The following TERB1 variants were observed in gnomAD, a reference collection of about 807,000 sequenced individuals.
TERB1 encodes telomere repeat binding bouquet formation protein 1.
TERB1 carries 63 observed loss-of-function variants against 92.3 expected under a neutral mutation model. The ratio of observed to expected loss-of-function variants is 0.68; its 90% CI spans 0.56 to 0.84. The LOEUF is 0.84. Ranked by LOEUF, TERB1 falls within the 40% of genes least tolerant of loss-of-function variation. TERB1 has a pLI of 0.00. For synonymous variants in TERB1, 252 were observed against 283.9 expected (o/e 0.89, Z 1.13); for missense variants, 709 against 843.7 (o/e 0.84, Z 1.98).
At chr16:66,757,072 A>T (rs762590585) in intron 18 of TERB1, among the ~76,000 whole-genome samples, 11 of 152,118 alleles carry the variant, frequency 7.2e-5, no homozygotes, top group Non-Finnish European at 1.2e-4. Context: ...TGAGTATCCT[A>T]AAAAAAGGTT....
chr16:66,787,257 C>T (rs560338225), intron 6 of TERB1, among the ~76,000 whole-genome samples: 38 of 151,612 alleles, frequency 2.5e-4, no homozygotes, highest in African/African-American at 9.2e-4. Flanking sequence ...TGCCACCACA[C>T]CCAGTTAATT....
intron 14 of TERB1, among the ~76,000 whole-genome samples, chr16:66,769,506 T>C (rs2018407519): frequency 6.6e-6 from 1 of 152,164 alleles, no homozygotes; most frequent in East Asian, 1.9e-4. Context: ...AGAGACAAAG[T>C]GCAGGGAACA....
At chr16:66,802,020 T>C (rs1567483520), upstream of TERB1, among the ~76,000 whole-genome samples, 1 of 152,140 alleles carries the variant, frequency 6.6e-6, no homozygotes, top group Non-Finnish European at 1.5e-5. Flanking sequence ...CGGAGTTCAG[T>C]CCAGGAGGAC....
At chr16:66,798,941 A>T (rs965778284) in intron 2 of TERB1, among the ~76,000 whole-genome samples, 4 of 152,268 alleles carry the variant, frequency 2.6e-5, no homozygotes, top group Non-Finnish European at 5.9e-5. Context: ...TCAAAGTGCT[A>T]GTAAGTGCTA....
chr16:66,779,639 A>G (rs2018604145), intron 9 of TERB1, among the ~76,000 whole-genome samples: 1 of 152,012 alleles, frequency 6.6e-6, no homozygotes, highest in African/African-American at 2.4e-5. Flanking sequence ...AACAAAAAAA[A>G]CACCTAACCC....
At position 66,794,914 on chromosome 16, in the gene TERB1, A is replaced by ACAC. The variant is rs1316374992; in HGVS notation, c.31+1853_31+1854insGTG. Among the ~76,000 whole-genome samples the ACAC allele has an allele frequency of 4.9e-3, 405 of 82,860 alleles. 2 individuals carry two copies. Among genetic ancestry groups the ACAC allele is most frequent in the African/African-American group, 0.011 (362 of 33,554 alleles). 54.4% of individuals were successfully genotyped at this position (82,860 alleles called of 152,430 possible). A position where few individuals can be genotyped will look rare whatever the true frequency, so the allele number is the denominator to read the frequency against. ...GACAGAGTGAGACTCCGTCTCAAAA[A>ACAC]AAAAAAAAACACACACACACACACA... is the stretch of plus-strand genomic sequence containing the variant. On this transcript the variant is annotated intron_variant, in intron 3 of 18. Transcript: ENST00000433154.
Position 66,800,968 on chromosome 16 carries a change from C to A in TERB1, c.-33+9G>T. ...GGCTTCCTGCCCATTCAGCCTGCGG[C>A]CCGCTCACCTACAGAGTTGGATGAA... On this transcript the variant is annotated intron_variant, in intron 2 of 18. Transcript: ENST00000433154. 6.6e-6 allele frequency: 1 copy of A among 152,432 alleles called. No individual in the cohort carries two copies. Among genetic ancestry groups the A allele is most frequent in the East Asian group, 1.9e-4 (1 of 5,190 alleles). 9.4% of individuals were successfully genotyped at this position (152,432 alleles called of 1,614,324 possible).
chr16:66,759,149 C>A lies in TERB1; in HGVS notation c.1922G>T (p.Cys641Phe). ...GCTGCTGAATTAATTACTTTTGTTA[C>A]AGATAAGTGATTTCCTTAGTTCACT... The part of the protein sequence containing the change: ...YKSELRKSLI[C>F]NKKILLTPRR... Residue 641 changes from cysteine to phenylalanine, a missense_variant, in exon 17 of 19, where the codon TGT becomes TTT. Transcript: ENST00000433154. 6.5e-7 allele frequency: 1 copy of A among 1,538,562 alleles called. No homozygotes were observed. The highest frequency in any genetic ancestry group is 8.7e-7 in the Non-Finnish European group (1 of 1,143,456).
Position 66,785,848 on chromosome 16 carries a change from C to T in TERB1, c.638G>A (p.Cys213Tyr), listed in dbSNP as rs77993759. ...FPHANEWLKN[C>Y]TTPEIIRPIC... The stretch of plus-strand genomic sequence containing the variant: ...AGGGCGAATTATCTCAGGTGTCGTG[C>T]AATTTTTTAGCCATTCATTAGCATG... Residue 213 changes from cysteine to tyrosine, a missense_variant, in exon 9 of 19, where the codon TGC (cysteine) becomes TAC (tyrosine). Physicochemically the swap from Cys to Tyr is radical, Grantham distance 194. Coordinates refer to ENST00000433154, the MANE Select transcript of TERB1 (RefSeq NM_001136505.2). 3.2e-6 allele frequency: 5 copies of T among 1,549,196 alleles called. No individual in the cohort carries two copies. The African/African-American group carries it at 6.8e-5, about 21-fold the overall frequency.
Position 66,772,691 on chromosome 16 carries a change from T to C in TERB1, c.1170A>G (p.Gln390=), listed in dbSNP as rs934161080. ...EYPFDENETQ[Q]LKDISVKENN... is the part of the protein sequence containing the mutation. ...TCTCCTTCACACTTATGTCCTTTAA[T>C]TGCTGTGTTTCATTTTCATCAAAAG... is the stretch of plus-strand genomic sequence containing the variant. The change falls in exon 13 of 19, where the codon CAA becomes CAG. Residue 390 remains glutamine (Q), a synonymous_variant. Coordinates refer to ENST00000433154, the MANE Select transcript of TERB1 (RefSeq NM_001136505.2). The C allele has an allele frequency of 6.5e-7, 1 of 1,549,666 alleles. No individual in the cohort carries two copies. The highest frequency in any genetic ancestry group is 1.4e-5 in the African/African-American group (1 of 73,094).
rs1233489503 is a variant in TERB1 at position 66,784,792 on chromosome 16, C to T, written c.700+994G>A. Among the ~76,000 whole-genome samples the T allele has an allele frequency of 2.0e-5, 3 of 146,840 alleles. No individual in the cohort carries two copies. In the East Asian group the frequency reaches 6.0e-4, roughly 29 times the overall value. On this transcript the variant is annotated intron_variant, in intron 9 of 18. Coordinates refer to ENST00000433154, the MANE Select transcript of TERB1 (RefSeq NM_001136505.2). Reference sequence around the variant, plus strand: ...TTGAAACGGAGTCTCATTCTGTCACCCAGGCTGGAGTGCAGTGGTGTGATC... The same window carrying T: ...TTGAAACGGAGTCTCATTCTGTCACTCAGGCTGGAGTGCAGTGGTGTGATC...
chr16:66,789,071 A>G (rs2018776979), intron 5 of TERB1, among the ~76,000 whole-genome samples: 1 of 151,414 alleles, frequency 6.6e-6, no homozygotes, highest in Non-Finnish European at 1.5e-5. Context: ...ATTTGATAGC[A>G]TAACAAAATA....
intron 14 of TERB1, among the ~76,000 whole-genome samples, chr16:66,769,029 C>T (rs1052836441): frequency 2.0e-5 from 3 of 151,124 alleles, no homozygotes; most frequent in Admixed American, 6.6e-5. Context: ...CACTTGAACC[C>T]GGGAAGTGGA....
At chr16:66,768,752 G>C (rs573362152) in intron 14 of TERB1, among the ~76,000 whole-genome samples, 2 of 152,222 alleles carry the variant, frequency 1.3e-5, no homozygotes, top group African/African-American at 4.8e-5. Context: ...CTACTACATA[G>C]GAGAAAAAAA....
intron 8 of TERB1, 37 bp downstream of exon 8, chr16:66,785,977 A>C (rs768752876): frequency 6.5e-7 from 1 of 1,528,866 alleles, no homozygotes; most frequent in Admixed American, 2.1e-5. Context: ...ATTTGTTTTT[A>C]TCTTTATTTT....
At chr16:66,786,315 G>C in intron 6 of TERB1, 30 bp from the exon 7 acceptor site, 1 of 1,435,754 alleles carries the variant, frequency 7.0e-7, no homozygotes, top group Non-Finnish European at 9.5e-7. Context: ...AAAAATATGA[G>C]TTTTATTTAC....
chr16:66,778,803 C>A (rs1175018490), intron 10 of TERB1, 60 bp downstream of exon 10: 2 of 1,336,686 alleles, frequency 1.5e-6, no homozygotes, highest in Non-Finnish European at 2.0e-6. Context: ...TTTCAACACT[C>A]TTCATGCTAT....
chr16:66,777,697 C>T (rs1312426886), intron 10 of TERB1, among the ~76,000 whole-genome samples: 1 of 152,176 alleles, frequency 6.6e-6, no homozygotes, highest in South Asian at 2.1e-4. Flanking sequence ...CCTTACATAC[C>T]TCTTCTTATC....
In TERB1 at chr16:66,775,262, G is replaced by C; in HGVS notation, c.986-19C>G. Reference sequence around the variant, plus strand: ...TTTTCCTCTGGAAAACATAAACAAAGAGGACAATGTTTTTTATCATAAACT... The same window carrying C: ...TTTTCCTCTGGAAAACATAAACAAACAGGACAATGTTTTTTATCATAAACT... On this transcript the variant is annotated intron_variant, in intron 11 of 18. Transcript: ENST00000433154. 1.3e-6 allele frequency: 2 copies of C among 1,541,388 alleles called. No homozygotes were observed. The highest frequency in any genetic ancestry group is 1.8e-6 in the Non-Finnish European group (2 of 1,138,216).
Sources: gnomAD v4.1 joint callset for allele counts (sites outside exome capture counted in the v4.1 genomes callset) on GRCh38, gnomAD v4.1.1 for gene constraint, MANE v1.5 for transcripts, NCBI Gene and HGNC (gene_info 2026-07-23, HGNC 2026-07-21) for gene names.